Variants in KIAA1217 observed in about 807,000 individuals in gnomAD.
KIAA1217 encodes KIAA1217, also known as sickle tail protein homolog.
A neutral mutation model predicts 163.9 loss-of-function variants in KIAA1217; 88 were observed. The observed-to-expected ratio is 0.54, with a 90% CI of 0.45 to 0.64. The LOEUF is 0.64. Among genes scored for constraint, KIAA1217 ranks in the 30% least tolerant of loss-of-function variants. The pLI is 0.00. For missense variants in KIAA1217, 2,372 were observed against 2,475.0 expected (o/e 0.96, Z 0.88); for synonymous variants, 903 against 923.1 (o/e 0.98, Z 0.39).
At chr10:24,387,029 G>C (rs1451979668) in intron 3 of KIAA1217, among the ~76,000 whole-genome samples, 2 of 152,202 alleles carry the variant, frequency 1.3e-5, no homozygotes, top group Non-Finnish European at 2.9e-5. Flanking sequence ...TTTCATAGCA[G>C]GTCAATAAGT....
intron 2 of KIAA1217, among the ~76,000 whole-genome samples, chr10:24,288,107 T>G (rs2078734986): frequency 6.6e-6 from 1 of 152,184 alleles, no homozygotes; most frequent in Non-Finnish European, 1.5e-5. Flanking sequence ...AATGACATAG[T>G]AGACACCCTA....
chr10:24,301,338 C>T (rs943459464), intron 2 of KIAA1217, among the ~76,000 whole-genome samples: 3 of 152,092 alleles, frequency 2.0e-5, no homozygotes, highest in Non-Finnish European at 4.4e-5. Context: ...GAAAATTATC[C>T]GAAGCATTTA....
chr10:24,233,464 C>A (rs1409099691), intron 2 of KIAA1217, among the ~76,000 whole-genome samples: 1 of 152,128 alleles, frequency 6.6e-6, no homozygotes, highest in African/African-American at 2.4e-5. Context: ...AATATCCAAA[C>A]CATAGCATGC....
At chr10:23,848,993 T>C (rs1171335994) in intron 1 of KIAA1217, among the ~76,000 whole-genome samples, 1 of 152,070 alleles carries the variant, frequency 6.6e-6, no homozygotes, top group Non-Finnish European at 1.5e-5. Flanking sequence ...GCAGAAATTG[T>C]GTCTATTTTC....
intron 3 of KIAA1217, among the ~76,000 whole-genome samples, chr10:24,413,530 G>T (rs1340538438): frequency 6.6e-6 from 1 of 152,094 alleles, no homozygotes; most frequent in East Asian, 1.9e-4. Flanking sequence ...TCACACCTCT[G>T]CTCATAATCC....
intron 2 of KIAA1217, among the ~76,000 whole-genome samples, chr10:24,329,331 C>T (rs1313255229): frequency 1.3e-5 from 2 of 150,186 alleles, no homozygotes; most frequent in South Asian, 2.1e-4. Context: ...CTATATTATA[C>T]ATAGTGTAAA....
chr10:24,018,566 AAAAAT>A (rs1289295556), intron 2 of KIAA1217, among the ~76,000 whole-genome samples: 3 of 151,316 alleles, frequency 2.0e-5, no homozygotes, highest in East Asian at 1.9e-4. Flanking sequence ...AATAATAATA[AAAAAT>A]AATAATAATA....
rs564190648 is a variant in KIAA1217, at chr10:23,945,266, A to G, written c.-320-61959A>G. On this transcript the variant is annotated intron_variant, in intron 1 of 18. Coordinates refer to the KIAA1217 transcript ENST00000376462. ...TGGGAGAGGATAAACAAACTGTGCT[A>G]TTTTCATAAAATGGAACACAACACA... is the stretch of plus-strand genomic sequence containing the variant. Among the ~76,000 whole-genome samples, 7 of 152,290 alleles carry G rather than the reference A, an allele frequency of 4.6e-5. No individual in the cohort carries two copies. The South Asian group carries it at 1.0e-3, about 23-fold the overall frequency.
At chr10:24,263,865 AT>A (rs1343282539) in intron 2 of KIAA1217, among the ~76,000 whole-genome samples, 3 of 150,578 alleles carry the variant, frequency 2.0e-5, no homozygotes, top group South Asian at 2.1e-4. Flanking sequence ...TATCTTTTTT[AT>A]TTTTTTTTGA....
chr10:23,819,227 G>A (rs1352803574), intron 1 of KIAA1217, among the ~76,000 whole-genome samples: 1 of 152,166 alleles, frequency 6.6e-6, no homozygotes, highest in African/African-American at 2.4e-5. Flanking sequence ...AGACTGCATT[G>A]TCCAGGTTCC....
chr10:24,306,961 G>T (rs572989800), intron 2 of KIAA1217, among the ~76,000 whole-genome samples: 1 of 152,232 alleles, frequency 6.6e-6, no homozygotes, highest in African/African-American at 2.4e-5. Context: ...GCTACCTGCC[G>T]GGCATTAGTT....
intron 2 of KIAA1217, among the ~76,000 whole-genome samples, chr10:24,333,723 G>T (rs1252705839): frequency 1.3e-5 from 2 of 152,334 alleles, no homozygotes; most frequent in African/African-American, 4.8e-5. Flanking sequence ...GCTTAGTGGA[G>T]CAGGGATCTG....
chr10:23,945,203 T>G (rs1843967053), intron 1 of KIAA1217, among the ~76,000 whole-genome samples: 1 of 152,160 alleles, frequency 6.6e-6, no homozygotes, highest in Non-Finnish European at 1.5e-5. Context: ...GTAGCTTTAT[T>G]CACAATATCA....
intron 2 of KIAA1217, among the ~76,000 whole-genome samples, chr10:24,184,443 T>C (rs192093450): frequency 6.6e-6 from 1 of 152,336 alleles, no homozygotes; most frequent in Admixed American, 6.5e-5. Context: ...CAAATCCTTT[T>C]CATAAGGAGA....
At chr10:24,008,411 T>C (rs1847101233) in intron 2 of KIAA1217, among the ~76,000 whole-genome samples, 1 of 152,114 alleles carries the variant, frequency 6.6e-6, no homozygotes, top group Non-Finnish European at 1.5e-5. Flanking sequence ...CGCTTAATGA[T>C]GGCAAAAGTT....
intron 1 of KIAA1217, among the ~76,000 whole-genome samples, chr10:23,881,488 A>G (rs1356707491): frequency 2.6e-5 from 4 of 151,920 alleles, no homozygotes; most frequent in Admixed American, 2.6e-4. Context: ...AGCAAAATGT[A>G]TGTCTCCGCC....
At chr10:24,305,763 C>G (rs754729780) in intron 2 of KIAA1217, among the ~76,000 whole-genome samples, 57 of 152,158 alleles carry the variant, frequency 3.7e-4, no homozygotes, top group Middle Eastern at 6.8e-3. Context: ...TTGAATGGGA[C>G]CATAGTTCTG....
chr10:24,144,047 T>C (rs556034746), intron 2 of KIAA1217, among the ~76,000 whole-genome samples: 41 of 152,292 alleles, frequency 2.7e-4, no homozygotes, highest in African/African-American at 9.1e-4. Context: ...GACTTAAATC[T>C]ACAGAATCTA....
intron 1 of KIAA1217, among the ~76,000 whole-genome samples, chr10:23,745,462 G>A (rs1238004756): frequency 6.6e-6 from 1 of 152,140 alleles, no homozygotes; most frequent in Non-Finnish European, 1.5e-5. Context: ...TTGGAAATTG[G>A]TCGTAACTTT....
Sources: gnomAD v4.1 joint callset for allele counts (sites outside exome capture counted in the v4.1 genomes callset) on GRCh38, gnomAD v4.1.1 for gene constraint, MANE v1.5 for transcripts, NCBI Gene and HGNC (gene_info 2026-07-23, HGNC 2026-07-21) for gene names.